Variants in TTN observed in about 807,000 individuals in gnomAD.
The protein encoded by TTN is connectin.
In TTN, 1,525 loss-of-function variants were observed where a neutral mutation model predicts 3,223.0. The ratio of observed to expected loss-of-function variants is 0.47; its 90% CI spans 0.45 to 0.49. TTN has a LOEUF of 0.49. TTN is among the 20% of genes least tolerant of loss of function. The pLI is 0.00. For synonymous variants in TTN, 14,094 were observed against 15,161.0 expected (o/e 0.93, Z 5.17); for missense variants, 40,786 against 43,424.0 (o/e 0.94, Z 5.40).
chr2:178,669,631 C>T lies in TTN; in HGVS notation c.35431G>A (p.Glu11811Lys). 1 of 1,612,440 alleles carries T rather than the reference C, an allele frequency of 6.2e-7. No individual in the cohort carries two copies. Among genetic ancestry groups the T allele is most frequent in the Non-Finnish European group, 8.5e-7 (1 of 1,179,674 alleles). ...ACTTCAGGCTTTTTCAGAACAGCTT[C>T]ACGAACTTTTTCTTCTGGGACAATT... is the stretch of plus-strand genomic sequence containing the variant. ...KKIVPEEKVR[E>K]AVLKKPEVPP... Residue 11811 changes from glutamate to lysine, a missense_variant, in exon 158 of 363, where the codon GAA becomes AAA. Transcript: ENST00000589042.
At chr2:178,665,618 G>T in intron 164 of TTN, 90 bp downstream of exon 164, 1 of 1,235,208 alleles carries the variant, frequency 8.1e-7, no homozygotes, top group Non-Finnish European at 1.1e-6. Context: ...CATATTAATT[G>T]TCTTTGTTTA....
rs773164952 is a variant in TTN at position 178,739,828 on chromosome 2, G to A, written c.13405C>T (p.Leu4469=). The change falls in exon 48 of 363, where the codon CTG becomes TTG. Residue 4469 remains leucine (L), a synonymous_variant. Transcript: ENST00000589042. ...AAAGCATCCCTAAGTTCCATTTTCA[G>A]GTTAGCCATTTGAGGATCAACATCT... ...IEDVDPQMAN[L]KMELRDALCA... 1 of 1,613,832 alleles carries A rather than the reference G, an allele frequency of 6.2e-7. No individual in the cohort carries two copies. Among genetic ancestry groups the A allele is most frequent in the Non-Finnish European group, 8.5e-7 (1 of 1,179,822 alleles).
intron 127 of TTN, among the ~76,000 whole-genome samples, chr2:178,686,113 ATTTTTTTTT>A (rs765570520): frequency 3.9e-5 from 3 of 77,812 alleles, no homozygotes; most frequent in South Asian, 5.6e-4. Context: ...TACAGTTTTA[ATTTTTTTTT>A]TTTTTTTTTT....
chr2:178,594,498 GT>G lies in TTN; in HGVS notation c.57995del (p.His19332ProfsTer18), dbSNP rs397517633. On this transcript the variant is annotated frameshift_variant, in exon 296 of 363. Coordinates refer to ENST00000589042, the MANE Select transcript of TTN (RefSeq NM_001267550.2). LOFTEE classifies it high-confidence loss of function. ...TAAGCAAGTTGTCATTTGTAACTTT[GT>G]GGAACTTCTCAGTCCCAATGAGCCG... is the stretch of plus-strand genomic sequence containing the variant. ...ESRLIGTEKF[H>X]KVTNDNLLSR... The G allele has an allele frequency of 4.3e-6, 7 of 1,613,252 alleles. No homozygotes were observed. Among genetic ancestry groups the G allele is most frequent in the Non-Finnish European group, 4.2e-6 (5 of 1,179,550 alleles).
In TTN at chr2:178,649,871, T is replaced by C. The variant is rs761891774; in HGVS notation, c.39841A>G (p.Ile13281Val). The change falls in exon 211 of 363, where the codon ATC (isoleucine) becomes GTC (valine). Residue 13281 changes from isoleucine (I) to valine (V), a missense_variant. By Grantham distance (29) the Ile-to-Val change is conservative. Coordinates refer to ENST00000589042, the MANE Select transcript of TTN (RefSeq NM_001267550.2). Reference protein sequence around the residue: ...PAVPEEPKKIIPEKKVPVIKK... With the variant: ...PAVPEEPKKIVPEKKVPVIKK... ...ATGACAGGAACTTTCTTCTCTGGGA[T>C]GATCTTCTTGGGCTCTTCAGGCACT... 5.0e-6 allele frequency: 8 copies of C among 1,612,220 alleles called. No individual in the cohort carries two copies. The highest frequency in any genetic ancestry group is 6.8e-6 in the Non-Finnish European group (8 of 1,179,358).
At position 178,614,670 on chromosome 2, in the gene TTN, C is replaced by T. The variant is rs776265864; in HGVS notation, c.48844G>A (p.Val16282Ile). Reference sequence around the variant, plus strand: ...ATTTTAGGTTCAGGTTTTCCGGTTACGGTGGCAGGAAGTTCAATCTTGGTC... The same window carrying T: ...ATTTTAGGTTCAGGTTTTCCGGTTATGGTGGCAGGAAGTTCAATCTTGGTC... ...AGTKIELPAT[V>I]TGKPEPKITW... is the part of the protein sequence containing the mutation. The change falls in exon 261 of 363, where the codon GTA becomes ATA. Residue 16282 changes from valine (V) to isoleucine (I), a missense_variant. By Grantham distance (29) the Val-to-Ile change is conservative. Coordinates refer to ENST00000589042, the MANE Select transcript of TTN (RefSeq NM_001267550.2). The T allele has an allele frequency of 4.6e-5, 74 of 1,612,146 alleles. No homozygotes were observed. Among genetic ancestry groups the T allele is most frequent in the East Asian group, 2.0e-4 (9 of 44,576 alleles).
At chr2:178,794,686 C>CAG in intron 7 of TTN, 135 bp from the exon 8 acceptor site, 1 of 1,157,934 alleles carries the variant, frequency 8.6e-7, no homozygotes, top group Non-Finnish European at 1.3e-6. Flanking sequence ...CCAAGAAATA[C>CAG]AGAGACTGTA....
chr2:178,747,260 A>G (rs2083924105), intron 47 of TTN: 11 of 1,612,784 alleles, frequency 6.8e-6, no homozygotes, highest in Non-Finnish European at 9.3e-6. Flanking sequence ...TCTTTCTCCT[A>G]CCTCACCTTC....
At chr2:178,768,966 G>A (rs2091011544) in intron 37 of TTN, 33 bp from the exon 38 acceptor site, 1 of 1,610,348 alleles carries the variant, frequency 6.2e-7, no homozygotes, top group Non-Finnish European at 8.5e-7. Flanking sequence ...CACCCAAGGA[G>A]ACTTTACGTA....
chr2:178,734,602 A>C lies in TTN; in HGVS notation c.15222T>G (p.Pro5074=), dbSNP rs2154312693. Residue 5074 remains proline, a synonymous_variant, in exon 52 of 363, where the codon CCT becomes CCG. Coordinates refer to ENST00000589042, the MANE Select transcript of TTN (RefSeq NM_001267550.2). ...GCTCAAGAGTTTTGATGAAAGAAGG[A>C]GGTTCTACAAAAGCATGAAAGCATT... The part of the protein sequence containing the change: ...SCSTEIVIKE[P]PSFIKTLEPA... 2 of 1,564,750 alleles carry C rather than the reference A, an allele frequency of 1.3e-6. No homozygotes were observed. Among genetic ancestry groups the C allele is most frequent in the Non-Finnish European group, 1.7e-6 (2 of 1,156,624 alleles).
chr2:178,718,995 G>C, intron 83 of TTN, 22 bp from the exon 84 acceptor site: 1 of 1,554,948 alleles, frequency 6.4e-7, no homozygotes, highest in Non-Finnish European at 8.7e-7. Flanking sequence ...AAGGCGGAAG[G>C]GGAGATAAAG....
rs763048313 is a variant in TTN, at chr2:178,804,529, A to G, written c.91+23T>C. The G allele has an allele frequency of 2.5e-6, 4 of 1,612,460 alleles. 1 individual carries two copies. The Admixed American group carries it at 6.7e-5, about 27-fold the overall frequency. On this transcript the variant is annotated intron_variant, in intron 2 of 362. Coordinates refer to ENST00000589042, the MANE Select transcript of TTN (RefSeq NM_001267550.2). ...AGAGGAGGCAAAGGAAAAAAAAACA[A>G]AAGTGTGAATGTGTGAGCTTACCAC...
In TTN at chr2:178,583,123, T is replaced by C; in HGVS notation, c.65680A>G (p.Thr21894Ala). 1 of 1,612,200 alleles carries C rather than the reference T, an allele frequency of 6.2e-7. No homozygotes were observed. Among genetic ancestry groups the C allele is most frequent in the South Asian group, 1.1e-5 (1 of 90,924 alleles). Residue 21894 changes from threonine (T) to alanine (A), a missense_variant, in exon 313 of 363, where the codon ACA becomes GCA. Physicochemically the swap from Thr to Ala is moderately conservative, Grantham distance 58 (BLOSUM62 0). Transcript: ENST00000589042. ...DATVFGKPMP[T>A]VSWKKDGTLL... ...GTGCCATCTTTTTTCCAAGAAACTG[T>C]TGGCATCGGTTTACCAAAAACAGTA...
chr2:178,569,167 G>A lies in TTN; in HGVS notation c.76965C>T (p.Cys25655=). 6.2e-7 allele frequency: 1 copy of A among 1,613,126 alleles called. No individual in the cohort carries two copies. The highest frequency in any genetic ancestry group is 8.5e-7 in the Non-Finnish European group (1 of 1,179,464). ...GATCGATTTTCCAAGAATTCTTATG[G>A]CAGTTAGTTACAACAGCAGCATATG... ...RKSYAAVVTN[C]HKNSWKIDQL... The change falls in exon 326 of 363, where the codon TGC becomes TGT. Residue 25655 remains cysteine, a synonymous_variant. Coordinates refer to ENST00000589042, the MANE Select transcript of TTN (RefSeq NM_001267550.2).
chr2:178,554,410 T>A, intron 332 of TTN, 43 bp downstream of exon 332: 3 of 1,585,294 alleles, frequency 1.9e-6, no homozygotes, highest in South Asian at 2.3e-5. Flanking sequence ...AGTTTATTTT[T>A]AAATTTTTCA....
At position 178,665,779 on chromosome 2, in the gene TTN, G is replaced by T; in HGVS notation, c.35888C>A (p.Pro11963His). 3 of 1,294,102 alleles carry T rather than the reference G, an allele frequency of 2.3e-6. No individual in the cohort carries two copies. The highest frequency in any genetic ancestry group is 2.9e-6 in the Non-Finnish European group (3 of 1,025,742). 80.2% of individuals were successfully genotyped at this position (1,294,102 alleles called of 1,614,324 possible). A position where few individuals can be genotyped will look rare whatever the true frequency, so the allele number is the denominator to read the frequency against. Reference protein sequence around the residue: ...KTPSPTVPESPREIVPVKETP... With the variant: ...KTPSPTVPESHREIVPVKETP... ...TTCCTTTACAGGGACAATTTCTCGAGGTGATTCAGGCACTTTAAAGATATG... is the reference window on the plus strand; with the variant it reads ...TTCCTTTACAGGGACAATTTCTCGATGTGATTCAGGCACTTTAAAGATATG... The change falls in exon 164 of 363, where the codon CCT (proline) becomes CAT (histidine). Residue 11963 changes from proline to histidine, a missense_variant. Physicochemically the swap from Pro to His is moderately conservative, Grantham distance 77 (BLOSUM62 -2). Coordinates refer to ENST00000589042, the MANE Select transcript of TTN (RefSeq NM_001267550.2).
chr2:178,740,049 A>G lies in TTN; in HGVS notation c.13184T>C (p.Leu4395Pro). Residue 4395 changes from leucine to proline, a missense_variant, in exon 48 of 363, where the codon CTG becomes CCG. By Grantham distance (98) the Leu-to-Pro change is moderately conservative (BLOSUM62 -3). Coordinates refer to ENST00000589042, the MANE Select transcript of TTN (RefSeq NM_001267550.2). ...CAAAGCCCGGCAGATTTGAATTTTCAGGTTTAATCTCTGCTCTTCTGGAAT... is the reference window on the plus strand; with the variant it reads ...CAAAGCCCGGCAGATTTGAATTTTCGGGTTTAATCTCTGCTCTTCTGGAAT... ...SGIPEEQRLN[L>P]KIQICRALQA... is the part of the protein sequence containing the mutation. 6.2e-7 allele frequency: 1 copy of G among 1,613,816 alleles called. No individual in the cohort carries two copies. Among genetic ancestry groups the G allele is most frequent in the Non-Finnish European group, 8.5e-7 (1 of 1,179,820 alleles).
intron 16 of TTN, 85 bp from the exon 17 acceptor site, chr2:178,783,870 T>C (rs1181587191): frequency 2.0e-6 from 2 of 1,016,344 alleles, no homozygotes; most frequent in Non-Finnish European, 2.7e-6. Flanking sequence ...CATTATATAA[T>C]TATAAAAATA....
At chr2:178,600,607 AG>A in intron 288 of TTN, 1 of 517,866 alleles carries the variant, frequency 1.9e-6, no homozygotes, top group Non-Finnish European at 3.5e-6. Context: ...ACAGACTGCG[AG>A]GAAAATTACA....
Sources: allele counts gnomAD v4.1 joint callset (sites outside exome capture counted in the v4.1 genomes callset), GRCh38; gene constraint gnomAD v4.1.1; transcripts MANE v1.5; gene names NCBI Gene and HGNC (gene_info 2026-07-23, HGNC 2026-07-21).